WWOX: variants seen among roughly 807,000 people sequenced by gnomAD.
WWOX encodes the protein WW domain containing oxidoreductase, also known as WW domain-containing oxidoreductase.
Under a neutral mutation model 46.2 loss-of-function variants are expected in WWOX, and 69 were observed. That is an observed-to-expected ratio of 1.49 (90% confidence interval 1.23 to 1.82). The LOEUF (loss-of-function observed/expected upper bound fraction) is 1.82, where lower values mean the gene tolerates loss of function less well. WWOX is among the 40% of genes most tolerant of loss of function. The pLI, the probability that WWOX is intolerant of heterozygous loss-of-function variation, is 0.00. For synonymous variants in WWOX, 359 were observed against 202.6 expected, an observed-to-expected ratio of 1.77 and a Z score of -6.56; for missense variants, 919 against 542.6, an observed-to-expected ratio of 1.69 and a Z score of -6.89.
At chr16:79,137,745 C>T (rs1330626040) in intron 8 of WWOX, among the ~76,000 whole-genome samples, 2 of 152,088 alleles carry the variant, frequency 1.3e-5, no homozygotes, top group Non-Finnish European at 2.9e-5. Context: ...TCCTGCTCTC[C>T]AGCCTGGCCT....
At chr16:78,117,538 A>G (rs950403769) in intron 4 of WWOX, among the ~76,000 whole-genome samples, 1 of 152,212 alleles carries the variant, frequency 6.6e-6, no homozygotes, top group African/African-American at 2.4e-5. Flanking sequence ...AGAAAGGAAG[A>G]GGCTGCAGAT....
At chr16:79,027,158 T>C (rs1023778451) in intron 8 of WWOX, among the ~76,000 whole-genome samples, 1 of 150,934 alleles carries the variant, frequency 6.6e-6, no homozygotes, top group Admixed American at 6.6e-5. Flanking sequence ...TACATGCCTG[T>C]AGTCCCAGCT....
intron 8 of WWOX, among the ~76,000 whole-genome samples, chr16:78,849,677 T>A (rs2052392858): frequency 6.6e-6 from 1 of 151,876 alleles, no homozygotes; most frequent in African/African-American, 2.4e-5. Flanking sequence ...AAACACAGTA[T>A]GGTTGTTTCC....
intron 5 of WWOX, among the ~76,000 whole-genome samples, chr16:78,303,654 C>T (rs2080082757): frequency 6.6e-6 from 1 of 152,238 alleles, no homozygotes; most frequent in Non-Finnish European, 1.5e-5. Context: ...AAGCGATTCT[C>T]ATGCCTCAGA....
At chr16:79,029,228 G>C (rs906635615) in intron 8 of WWOX, among the ~76,000 whole-genome samples, 1 of 152,148 alleles carries the variant, frequency 6.6e-6, no homozygotes, top group African/African-American at 2.4e-5. Context: ...ACCCCGTCAC[G>C]GCTGGGCCTA....
intron 5 of WWOX, among the ~76,000 whole-genome samples, chr16:78,193,715 A>G (rs1212872041): frequency 1.3e-5 from 2 of 152,126 alleles, no homozygotes; most frequent in African/African-American, 2.4e-5. Context: ...TACAAGAAGA[A>G]GGGTAGACTT....
chr16:78,207,348 T>C (rs913365469), intron 5 of WWOX, among the ~76,000 whole-genome samples: 1 of 152,218 alleles, frequency 6.6e-6, no homozygotes, highest in African/African-American at 2.4e-5. Context: ...TTAAAAATTA[T>C]TTGATTCAAG....
intron 8 of WWOX, among the ~76,000 whole-genome samples, chr16:78,718,526 GA>G (rs988623768): frequency 6.6e-6 from 1 of 152,060 alleles, no homozygotes; most frequent in Non-Finnish European, 1.5e-5. Context: ...TTGCCAGTCA[GA>G]AAAATTTATC....
At chr16:79,079,036 T>A (rs980743828) in intron 8 of WWOX, among the ~76,000 whole-genome samples, 1 of 152,192 alleles carries the variant, frequency 6.6e-6, no homozygotes, top group African/African-American at 2.4e-5. Context: ...TTGATCAAGG[T>A]AGGCTAACTG....
At chr16:78,335,573 T>A (rs2080870534) in intron 5 of WWOX, among the ~76,000 whole-genome samples, 1 of 152,198 alleles carries the variant, frequency 6.6e-6, no homozygotes, top group Non-Finnish European at 1.5e-5. Flanking sequence ...GAAATACCAT[T>A]TGACCCAGCA....
At chr16:79,141,717 G>A (rs2050092720) in intron 8 of WWOX, among the ~76,000 whole-genome samples, 3 of 151,538 alleles carry the variant, frequency 2.0e-5, no homozygotes, top group African/African-American at 7.3e-5. Flanking sequence ...TTGGTGTTGT[G>A]ATAAGCCCGT....
At chr16:78,878,441 G>A (rs1401790991) in intron 8 of WWOX, among the ~76,000 whole-genome samples, 1 of 152,136 alleles carries the variant, frequency 6.6e-6, no homozygotes, top group Non-Finnish European at 1.5e-5. Context: ...GCTAAATGAG[G>A]ATGATTGATA....
At chr16:78,227,135 C>G (rs565937444) in intron 5 of WWOX, among the ~76,000 whole-genome samples, 1 of 152,182 alleles carries the variant, frequency 6.6e-6, no homozygotes, top group African/African-American at 2.4e-5. Context: ...AATATTACCA[C>G]GAAATCATTT....
intron 5 of WWOX, among the ~76,000 whole-genome samples, chr16:78,215,732 A>G (rs973584248): frequency 6.6e-6 from 1 of 152,126 alleles, no homozygotes; most frequent in Non-Finnish European, 1.5e-5. Context: ...GTTTGAGACC[A>G]TCCTGGCCAA....
intron 8 of WWOX, among the ~76,000 whole-genome samples, chr16:78,666,061 G>A (rs1327369311): frequency 7.9e-5 from 12 of 152,018 alleles, no homozygotes; most frequent in Non-Finnish European, 1.6e-4. Context: ...AAGGCTGGAG[G>A]ATTGCTTGAA....
In WWOX at chr16:78,443,760, C is replaced by T. The variant is rs528229986; in HGVS notation, c.1056+11008C>T. 7.4e-4 allele frequency among the ~76,000 whole-genome samples: 112 copies of T among 152,282 alleles called. 1 individual carries two copies. The highest frequency in any genetic ancestry group is 7.3e-3 in the Admixed American group (112 of 15,298). On this transcript the variant is annotated intron_variant, in intron 8 of 8. Coordinates refer to ENST00000566780, the MANE Select transcript of WWOX (RefSeq NM_016373.4). Reference sequence around the variant, plus strand: ...TTGGCATTTTGGTAATGTGCTGCCTCTTTATAACTCTTTGTAGCTCTTTTA... The same window carrying T: ...TTGGCATTTTGGTAATGTGCTGCCTTTTTATAACTCTTTGTAGCTCTTTTA...
intron 5 of WWOX, among the ~76,000 whole-genome samples, chr16:78,325,176 A>C (rs2080585281): frequency 6.6e-6 from 1 of 152,236 alleles, no homozygotes; most frequent in African/African-American, 2.4e-5. Context: ...GTTCCTTTGA[A>C]TCCTTTTCCG....
intron 8 of WWOX, among the ~76,000 whole-genome samples, chr16:79,143,217 C>T (rs528584429): frequency 2.0e-4 from 31 of 152,298 alleles, no homozygotes; most frequent in South Asian, 6.2e-4. Flanking sequence ...ATCCTATTGT[C>T]TTTCCCTGCT....
At chr16:78,536,484 G>A (rs946283716) in intron 8 of WWOX, among the ~76,000 whole-genome samples, 3 of 151,992 alleles carry the variant, frequency 2.0e-5, no homozygotes, top group Non-Finnish European at 4.4e-5. Context: ...TCTGCTTTAG[G>A]TCCTCTCTGG....
Sources: gnomAD v4.1 joint callset for allele counts (sites outside exome capture counted in the v4.1 genomes callset) on GRCh38, gnomAD v4.1.1 for gene constraint, MANE v1.5 for transcripts, NCBI Gene and HGNC (gene_info 2026-07-23, HGNC 2026-07-21) for gene names.